ANKS1B: variants seen among roughly 807,000 people sequenced by gnomAD.
The protein encoded by ANKS1B is ankyrin repeat and sterile alpha motif domain-containing protein 1B.
Under a neutral mutation model 148.3 loss-of-function variants are expected in ANKS1B, and 36 were observed. The ratio of observed to expected loss-of-function variants is 0.24; its 90% CI spans 0.19 to 0.32. The LOEUF (loss-of-function observed/expected upper bound fraction) is 0.32. Ranked by LOEUF, ANKS1B falls within the 10% of genes least tolerant of loss-of-function variation. The pLI, the probability that ANKS1B is intolerant of heterozygous loss-of-function variation, is 1.00. For synonymous variants in ANKS1B, 542 were observed against 560.8 expected (o/e 0.97, Z 0.47); for missense variants, 1,157 against 1,542.6 (o/e 0.75, Z 4.19).
At chr12:99,335,330 C>T (rs992780552) in intron 12 of ANKS1B, among the ~76,000 whole-genome samples, 1 of 151,938 alleles carries the variant, frequency 6.6e-6, no homozygotes, top group African/African-American at 2.4e-5. Flanking sequence ...TAATCTCAAG[C>T]ATTTATTATT....
At chr12:99,002,854 G>A (rs370236302) in intron 17 of ANKS1B, among the ~76,000 whole-genome samples, 11 of 151,872 alleles carry the variant, frequency 7.2e-5, no homozygotes, top group Admixed American at 3.9e-4. Context: ...TCCCATTTGC[G>A]TATTTATGCT....
At chr12:98,909,987 C>T (rs2099784575) in intron 17 of ANKS1B, among the ~76,000 whole-genome samples, 1 of 152,208 alleles carries the variant, frequency 6.6e-6, no homozygotes, top group Admixed American at 6.5e-5. Context: ...CATAAGCAGA[C>T]CAGGTGCTGA....
At chr12:99,537,634 C>T (rs2097084897) in intron 9 of ANKS1B, among the ~76,000 whole-genome samples, 2 of 152,058 alleles carry the variant, frequency 1.3e-5, no homozygotes, top group South Asian at 2.1e-4. Flanking sequence ...GTTGTTCGCA[C>T]ACTCTATATA....
At chr12:99,094,734 G>A (rs1376364573) in intron 15 of ANKS1B, among the ~76,000 whole-genome samples, 3 of 152,142 alleles carry the variant, frequency 2.0e-5, no homozygotes, top group African/African-American at 7.2e-5. Context: ...TAGTGACTGA[G>A]GGGGACGAAG....
At chr12:99,161,918 A>C (rs1228819891) in intron 14 of ANKS1B, among the ~76,000 whole-genome samples, 1 of 152,218 alleles carries the variant, frequency 6.6e-6, no homozygotes, top group Non-Finnish European at 1.5e-5. Context: ...AACTGTGCAG[A>C]TGGCCAAGGC....
intron 12 of ANKS1B, among the ~76,000 whole-genome samples, chr12:99,329,642 A>G (rs1313651211): frequency 6.6e-6 from 1 of 151,912 alleles, no homozygotes; most frequent in Non-Finnish European, 1.5e-5. Context: ...TTACTGAAAA[A>G]GACAAACTTA....
At chr12:99,955,179 G>C (rs1234519703) in intron 1 of ANKS1B, among the ~76,000 whole-genome samples, 2 of 151,998 alleles carry the variant, frequency 1.3e-5, no homozygotes, top group East Asian at 3.9e-4. Flanking sequence ...TCTTTGCACG[G>C]TCTGGCCTCT....
chr12:99,427,155 T>A (rs1021834824), intron 11 of ANKS1B, among the ~76,000 whole-genome samples: 2 of 152,220 alleles, frequency 1.3e-5, no homozygotes, highest in African/African-American at 4.8e-5. Context: ...CCATAAGGTA[T>A]TCTCTAGCCA....
At chr12:99,453,117 C>T (rs1011323914) in intron 10 of ANKS1B, among the ~76,000 whole-genome samples, 24 of 152,030 alleles carry the variant, frequency 1.6e-4, no homozygotes, top group East Asian at 5.8e-4. Flanking sequence ...GGTGAAACCC[C>T]GTCTCTACTA....
intron 1 of ANKS1B, among the ~76,000 whole-genome samples, chr12:99,854,550 C>T (rs1029039365): frequency 1.2e-4 from 19 of 152,082 alleles, no homozygotes; most frequent in African/African-American, 4.3e-4. Flanking sequence ...TCAAAGAACA[C>T]CTGGGAAATT....
At chr12:99,162,903 C>A (rs1321288767) in intron 14 of ANKS1B, among the ~76,000 whole-genome samples, 2 of 152,020 alleles carry the variant, frequency 1.3e-5, no homozygotes, top group African/African-American at 4.8e-5. Flanking sequence ...ACTACAAATA[C>A]AAAAATTAGC....
chr12:98,763,977 C>T (rs1400311450), intron 25 of ANKS1B, among the ~76,000 whole-genome samples: 2 of 152,226 alleles, frequency 1.3e-5, no homozygotes, highest in Non-Finnish European at 1.5e-5. Context: ...CTGTGGATGT[C>T]ATGCACTGCA....
At chr12:99,472,413 ATT>A (rs1250527282) in intron 10 of ANKS1B, among the ~76,000 whole-genome samples, 1 of 151,998 alleles carries the variant, frequency 6.6e-6, no homozygotes, top group Non-Finnish European at 1.5e-5. Flanking sequence ...ACCTTTTTAC[ATT>A]TTCTTTACAC....
intron 19 of ANKS1B, among the ~76,000 whole-genome samples, chr12:98,810,668 A>G (rs538299242): frequency 2.0e-5 from 3 of 152,258 alleles, no homozygotes; most frequent in Non-Finnish European, 4.4e-5. Flanking sequence ...ACTGGGGTCC[A>G]AACACCAAAA....
In ANKS1B at chr12:99,772,997, T is replaced by G; in HGVS notation, c.1053A>C (p.Thr351=). Residue 351 remains threonine, a synonymous_variant, in exon 8 of 27, where the codon ACA becomes ACC. Transcript: ENST00000683438. The part of the protein sequence containing the change: ...KDYSFEDLCH[T]ISDHYLDNLS... ...AATTATCTAAGTAGTGGTCTGATAT[T>G]GTGTGGCACAAGTCTTCAAACGAAT... 6.2e-7 allele frequency: 1 copy of G among 1,612,804 alleles called. No homozygotes were observed. The highest frequency in any genetic ancestry group is 8.5e-7 in the Non-Finnish European group (1 of 1,179,142).
intron 10 of ANKS1B, among the ~76,000 whole-genome samples, chr12:99,470,055 G>A (rs2096212954): frequency 6.6e-6 from 1 of 151,818 alleles, no homozygotes; most frequent in South Asian, 2.1e-4. Flanking sequence ...GGAGTTTTAG[G>A]CGGCCGTGAG....
At chr12:98,971,594 G>A (rs1043357811) in intron 17 of ANKS1B, among the ~76,000 whole-genome samples, 3 of 152,090 alleles carry the variant, frequency 2.0e-5, no homozygotes, top group African/African-American at 4.8e-5. Flanking sequence ...GACATGGTAC[G>A]GATAACTAGA....
chr12:99,795,191 A>G (rs561671401), intron 4 of ANKS1B, among the ~76,000 whole-genome samples: 1 of 151,994 alleles, frequency 6.6e-6, no homozygotes, highest in South Asian at 2.1e-4. Flanking sequence ...ACCAGCAAGC[A>G]AGATAAATGA....
At chr12:98,967,421 C>A (rs2099879113) in intron 17 of ANKS1B, among the ~76,000 whole-genome samples, 1 of 151,916 alleles carries the variant, frequency 6.6e-6, no homozygotes, top group African/African-American at 2.4e-5. Context: ...ATGAGGTACC[C>A]ATTGCCTCCA....
Sources: gnomAD v4.1 joint callset for allele counts (sites outside exome capture counted in the v4.1 genomes callset) on GRCh38, gnomAD v4.1.1 for gene constraint, MANE v1.5 for transcripts, NCBI Gene and HGNC (gene_info 2026-07-23, HGNC 2026-07-21) for gene names.